The following NKAIN3 variants were observed in gnomAD, a reference collection of about 807,000 sequenced individuals.
NKAIN3 encodes the protein sodium/potassium transporting ATPase interacting 3, also known as sodium/potassium-transporting ATPase subunit beta-1-interacting protein 3.
Under a neutral mutation model 30.2 loss-of-function variants are expected in NKAIN3, and 25 were observed. The ratio of observed to expected loss-of-function variants is 0.83; its 90% confidence interval spans 0.60 to 1.16. The LOEUF (loss-of-function observed/expected upper bound fraction) is 1.16, where lower values mean the gene tolerates loss of function less well. Ranked by LOEUF, NKAIN3 falls within the 50% of genes most tolerant of loss-of-function variation. The pLI is 0.00. For missense variants in NKAIN3, 225 were observed against 254.1 expected (o/e 0.89, Z 0.78); for synonymous variants, 91 against 89.6 (o/e 1.02, Z -0.09).
At chr8:62,810,221 T>A (rs7464426) in intron 4 of NKAIN3, among the ~76,000 whole-genome samples, 1 of 152,062 alleles carries the variant, frequency 6.6e-6, no homozygotes, top group Non-Finnish European at 1.5e-5. Flanking sequence ...AATAAATGAC[T>A]TTTGTAATAC....
At chr8:62,798,021 G>T (rs1159056391) in intron 4 of NKAIN3, among the ~76,000 whole-genome samples, 1 of 152,124 alleles carries the variant, frequency 6.6e-6, no homozygotes, top group African/African-American at 2.4e-5. Context: ...TGACCCATGA[G>T]GGTGGTGTTA....
chr8:62,558,691 T>G (rs60717966), intron 1 of NKAIN3, among the ~76,000 whole-genome samples: 6,384 of 152,144 alleles, frequency 0.042, 457 homozygotes, highest in African/African-American at 0.15. Context: ...TTCATTGATT[T>G]CTCCTTATCT....
chr8:62,900,236 T>TA (rs5891879), intron 4 of NKAIN3, among the ~76,000 whole-genome samples: 117,666 of 152,094 alleles, frequency 0.77, 46,381 homozygotes, highest in East Asian at 0.98. Context: ...TCATATCTTG[T>TA]ATTCTTGTGC....
At chr8:62,914,151 T>C (rs1822007804) in intron 4 of NKAIN3, among the ~76,000 whole-genome samples, 1 of 152,194 alleles carries the variant, frequency 6.6e-6, no homozygotes, top group African/African-American at 2.4e-5. Context: ...CTCCATGGAA[T>C]ACTATGCAAC....
chr8:62,385,060 A>T (rs977916358), intron 1 of NKAIN3, among the ~76,000 whole-genome samples: 8 of 152,182 alleles, frequency 5.3e-5, no homozygotes, highest in Non-Finnish European at 1.2e-4. Context: ...CATCACCCAC[A>T]GGACATGAGG....
chr8:62,361,717 A>G (rs1332486183), intron 1 of NKAIN3, among the ~76,000 whole-genome samples: 1 of 152,218 alleles, frequency 6.6e-6, no homozygotes, highest in African/African-American at 2.4e-5. Flanking sequence ...TAACACAAGT[A>G]TGTACTTATT....
At chr8:62,951,448 G>A (rs923050294) in intron 5 of NKAIN3, among the ~76,000 whole-genome samples, 1 of 151,858 alleles carries the variant, frequency 6.6e-6, no homozygotes, top group Non-Finnish European at 1.5e-5. Flanking sequence ...TTTTAAATTT[G>A]TTTGTTTGTT....
At chr8:62,836,187 G>C (rs1407981855) in intron 4 of NKAIN3, among the ~76,000 whole-genome samples, 1 of 151,954 alleles carries the variant, frequency 6.6e-6, no homozygotes, top group Non-Finnish European at 1.5e-5. Context: ...ATACCAGAGA[G>C]GTGATCAAGA....
At chr8:62,501,952 A>T (rs1045075035) in intron 1 of NKAIN3, among the ~76,000 whole-genome samples, 3 of 152,152 alleles carry the variant, frequency 2.0e-5, no homozygotes, top group Non-Finnish European at 4.4e-5. Context: ...CAGAACCTAG[A>T]TGGAGATTAT....
chr8:62,423,906 T>C (rs1804722821), intron 1 of NKAIN3, among the ~76,000 whole-genome samples: 2 of 152,168 alleles, frequency 1.3e-5, no homozygotes, highest in South Asian at 2.1e-4. Context: ...ATGCATTTCA[T>C]GTATTTTTAC....
At chr8:62,278,529 TC>T in intron 1 of NKAIN3, among the ~76,000 whole-genome samples, 1 of 151,778 alleles carries the variant, frequency 6.6e-6, no homozygotes, top group Middle Eastern at 3.4e-3. Context: ...CCCTCCCCAC[TC>T]CCCCGACCCC....
At chr8:62,297,442 T>C (rs1394243955) in intron 1 of NKAIN3, among the ~76,000 whole-genome samples, 6 of 151,730 alleles carry the variant, frequency 4.0e-5, no homozygotes, top group Non-Finnish European at 7.4e-5. Flanking sequence ...GGGCTAATAT[T>C]CAGAATCTAC....
intron 4 of NKAIN3, among the ~76,000 whole-genome samples, chr8:62,880,230 A>T (rs1008379344): frequency 2.6e-5 from 4 of 152,218 alleles, no homozygotes; most frequent in Non-Finnish European, 4.4e-5. Flanking sequence ...CACATGTAAT[A>T]AGTGGTAACA....
At chr8:62,618,339 G>T (rs1008803158) in intron 3 of NKAIN3, among the ~76,000 whole-genome samples, 1 of 152,110 alleles carries the variant, frequency 6.6e-6, no homozygotes, top group East Asian at 1.9e-4. Context: ...ATTCAGGTTT[G>T]GGGTTGGAAG....
chr8:62,339,374 T>G (rs1815667635), intron 1 of NKAIN3, among the ~76,000 whole-genome samples: 1 of 152,044 alleles, frequency 6.6e-6, no homozygotes, highest in Admixed American at 6.6e-5. Flanking sequence ...ATTTATATTT[T>G]AAGAAGCTCA....
At chr8:62,496,806 G>T (rs1189968959) in intron 1 of NKAIN3, among the ~76,000 whole-genome samples, 1 of 152,082 alleles carries the variant, frequency 6.6e-6, no homozygotes. Flanking sequence ...CCTCTTTCTG[G>T]TAGCAGAGGT....
intron 1 of NKAIN3, 127 bp downstream of exon 1, chr8:62,249,254 C>G: frequency 1.3e-6 from 1 of 742,190 alleles, no homozygotes. Flanking sequence ...CCGCCCGCCT[C>G]CCACCCTCCC....
intron 1 of NKAIN3, among the ~76,000 whole-genome samples, chr8:62,524,708 T>C (rs1808247070): frequency 6.6e-6 from 1 of 152,162 alleles, no homozygotes; most frequent in Non-Finnish European, 1.5e-5. Context: ...TTTTGCTTTC[T>C]TTGCAAAGGT....
intron 4 of NKAIN3, among the ~76,000 whole-genome samples, chr8:62,898,925 G>C (rs536070724): frequency 6.6e-6 from 1 of 150,404 alleles, no homozygotes; most frequent in South Asian, 2.1e-4. Context: ...CAAAAGATCT[G>C]AATAGATATT....
Sources: allele counts gnomAD v4.1 joint callset (sites outside exome capture counted in the v4.1 genomes callset), GRCh38; gene constraint gnomAD v4.1.1; transcripts MANE v1.5; gene names NCBI Gene and HGNC (gene_info 2026-07-23, HGNC 2026-07-21).